TMEM161B: variants seen among roughly 807,000 people sequenced by gnomAD.
The protein encoded by TMEM161B is transmembrane protein 161B.
TMEM161B carries 34 observed loss-of-function variants against 61.8 expected under a neutral mutation model. The ratio of observed to expected loss-of-function variants is 0.55; its 90% CI spans 0.42 to 0.73. The LOEUF is 0.73. Ranked by LOEUF, TMEM161B falls within the 30% of genes least tolerant of loss-of-function variation. The pLI is 0.00. For missense variants in TMEM161B, 456 were observed against 558.5 expected (o/e 0.82, Z 1.85); for synonymous variants, 167 against 192.8 (o/e 0.87, Z 1.11).
rs77057033 is a variant in TMEM161B at position 88,268,615 on chromosome 5, C to T, written c.3+106G>A. On this transcript the variant is annotated intron_variant, in intron 1 of 11. Coordinates refer to ENST00000296595, the MANE Select transcript of TMEM161B (RefSeq NM_153354.5). ...CCTACCCAGCAGCTCATCCCAACGT[C>T]TCAACTCCATTCTGAGCAGAGCACC... 11 of 1,537,450 alleles carry T rather than the reference C, an allele frequency of 7.2e-6. 1 individual carries two copies. In the East Asian group the frequency reaches 1.8e-4, roughly 25 times the overall value.
chr5:88,212,704 C>T (rs564633048), intron 5 of TMEM161B, among the ~76,000 whole-genome samples: 1 of 152,206 alleles, frequency 6.6e-6, no homozygotes, highest in African/African-American at 2.4e-5. Flanking sequence ...TGGCACGTGC[C>T]TATAGTCCCA....
chr5:88,246,917 A>G (rs1025064939), intron 1 of TMEM161B, among the ~76,000 whole-genome samples: 3 of 152,032 alleles, frequency 2.0e-5, no homozygotes, highest in Non-Finnish European at 4.4e-5. Context: ...TAACGCTTCA[A>G]AACAATAACT....
intron 8 of TMEM161B, among the ~76,000 whole-genome samples, chr5:88,204,401 T>C (rs1745044924): frequency 6.6e-6 from 1 of 152,156 alleles, no homozygotes; most frequent in African/African-American, 2.4e-5. Flanking sequence ...AAATGTGCAC[T>C]CCACCTCCAA....
intron 1 of TMEM161B, among the ~76,000 whole-genome samples, chr5:88,261,403 A>AAAAAG (rs956518342): frequency 3.3e-5 from 5 of 152,068 alleles, no homozygotes; most frequent in Admixed American, 6.6e-5. Flanking sequence ...GGTATCAAAA[A>AAAAAG]AAAAGAAAAG....
chr5:88,212,729 T>G (rs879738644), intron 5 of TMEM161B, among the ~76,000 whole-genome samples: 1 of 152,128 alleles, frequency 6.6e-6, no homozygotes, highest in Non-Finnish European at 1.5e-5. Context: ...CTCAGGTGGC[T>G]GAGGCACAAG....
In TMEM161B at chr5:88,212,496, T is replaced by C. The variant is rs1218611248; in HGVS notation, c.447-5316A>G. Among the ~76,000 whole-genome samples the C allele has an allele frequency of 1.7e-4, 26 of 152,176 alleles. 1 individual carries two copies. The highest frequency in any genetic ancestry group is 1.7e-3 in the Admixed American group (26 of 15,278). On this transcript the variant is annotated intron_variant, in intron 5 of 11. Coordinates refer to ENST00000296595, the MANE Select transcript of TMEM161B (RefSeq NM_153354.5). ...TAAAATGGCAAATTTCTCTCAGATT[T>C]AGAATAACAACTTAATTAAATAACA...
intron 5 of TMEM161B, among the ~76,000 whole-genome samples, chr5:88,215,397 A>G (rs1747647631): frequency 6.6e-6 from 1 of 152,050 alleles, no homozygotes; most frequent in Non-Finnish European, 1.5e-5. Context: ...ATGTAAACTT[A>G]TTTCTCTCTG....
At position 88,196,109 on chromosome 5, in the gene TMEM161B, T is replaced by C; in HGVS notation, c.*102A>G. ...CAAGACATTCTGATATGTTTTTTTT[T>C]TCCCATTGTATTTGCTTTCTTCTGG... On this transcript the variant is annotated 3_prime_UTR_variant, in exon 12 of 12. Transcript: ENST00000296595. The C allele has an allele frequency of 2.0e-6, 3 of 1,467,802 alleles. No individual in the cohort carries two copies. Among genetic ancestry groups the C allele is most frequent in the Non-Finnish European group, 2.7e-6 (3 of 1,112,014 alleles). The allele number at this position is 1,467,802 out of a possible 1,614,324, so 90.9% of individuals were successfully genotyped here.
At chr5:88,237,161 G>A (rs760650472) in intron 2 of TMEM161B, among the ~76,000 whole-genome samples, 3 of 152,028 alleles carry the variant, frequency 2.0e-5, no homozygotes, top group African/African-American at 7.2e-5. Flanking sequence ...TATCACCTAT[G>A]GCAGAAAGTA....
Position 88,205,897 on chromosome 5 carries a change from A to G in TMEM161B, c.717T>C (p.Ile239=), listed in dbSNP as rs372494587. ...ATCCAGGAAATGTCAAAAAAGCCCC[A>G]ATGAATGAACAGAAAATAGCCAGGA... ...KFFLAIFCSF[I]GAFLTFPGLR... The change falls in exon 8 of 12, where the codon ATT becomes ATC. Residue 239 remains isoleucine, a synonymous_variant. Transcript: ENST00000296595. The G allele has an allele frequency of 1.2e-6, 2 of 1,612,564 alleles. No individual in the cohort carries two copies. The highest frequency in any genetic ancestry group is 1.7e-6 in the Non-Finnish European group (2 of 1,179,262).
intron 1 of TMEM161B, among the ~76,000 whole-genome samples, chr5:88,241,278 C>A (rs1004059506): frequency 6.6e-6 from 1 of 151,736 alleles, no homozygotes; most frequent in African/African-American, 2.4e-5. Flanking sequence ...ATATAAGGGA[C>A]TTGAGCATCC....
intron 5 of TMEM161B, among the ~76,000 whole-genome samples, chr5:88,212,015 AAAC>A (rs1285977975): frequency 1.3e-5 from 2 of 152,194 alleles, no homozygotes; most frequent in Non-Finnish European, 2.9e-5. Context: ...GAACTTTCAG[AAAC>A]AAGACAAATC....
At chr5:88,266,756 T>TA (rs906287854) in intron 1 of TMEM161B, among the ~76,000 whole-genome samples, 2 of 152,168 alleles carry the variant, frequency 1.3e-5, no homozygotes, top group African/African-American at 4.8e-5. Context: ...GTTAAACTCT[T>TA]CCCTTTGAAA....
rs900545066 is a variant in TMEM161B, at chr5:88,206,593, C to T, written c.599-94G>A. ...GGAAATAAAATGTTAGAAAACAGAG[C>T]ATCTTAAATTTTGAAGTGACTAGCT... On this transcript the variant is annotated intron_variant, in intron 6 of 11. Transcript: ENST00000296595. The T allele has an allele frequency of 4.8e-6, 6 of 1,249,982 alleles. No homozygotes were observed. In the East Asian group the frequency reaches 1.5e-4, roughly 32 times the overall value. 77.4% of individuals were successfully genotyped at this position (1,249,982 alleles called of 1,614,324 possible). A position where few individuals can be genotyped will look rare whatever the true frequency, so the allele number is the denominator to read the frequency against.
intron 1 of TMEM161B, among the ~76,000 whole-genome samples, chr5:88,241,241 G>C (rs1295766095): frequency 6.6e-6 from 1 of 151,796 alleles, no homozygotes; most frequent in Non-Finnish European, 1.5e-5. Context: ...GACGTGCATA[G>C]GTTATATGCA....
Position 88,216,377 on chromosome 5 carries a change from C to G in TMEM161B, c.446+4186G>C, listed in dbSNP as rs570437215. 2.0e-5 allele frequency among the ~76,000 whole-genome samples: 3 copies of G among 152,264 alleles called. No individual in the cohort carries two copies. The East Asian group carries it at 5.8e-4, about 29-fold the overall frequency. On this transcript the variant is annotated intron_variant, in intron 5 of 11. Coordinates refer to ENST00000296595, the MANE Select transcript of TMEM161B (RefSeq NM_153354.5). ...AATATTTTTGATGTGTTTTATATGA[C>G]TTGATGTCGAGGGATAGGTCTTTAT... is the stretch of plus-strand genomic sequence containing the variant.
In TMEM161B at chr5:88,197,746, T is replaced by A; in HGVS notation, c.1109A>T (p.Tyr370Phe). ...LQKMVARVFY[Y>F]LCVIALQYVA... ...ATACTGCAGTGCAATGACACAAAGA[T>A]AATAAAAGACTCGAGCCACCTGCAA... The change falls in exon 11 of 12, where the codon TAT becomes TTT. Residue 370 changes from tyrosine to phenylalanine, a missense_variant. Around this residue, in one of 3 missense-constraint regions of TMEM161B, gnomAD observed 367 missense variants for 427.3 expected, o/e 0.86. Transcript: ENST00000296595. 4.3e-6 allele frequency: 7 copies of A among 1,612,474 alleles called. No individual in the cohort carries two copies. The highest frequency in any genetic ancestry group is 5.9e-6 in the Non-Finnish European group (7 of 1,179,020).
At chr5:88,241,091 T>C (rs1490376725) in intron 1 of TMEM161B, among the ~76,000 whole-genome samples, 175 bp from the exon 2 acceptor site, 1 of 151,584 alleles carries the variant, frequency 6.6e-6, no homozygotes, top group Non-Finnish European at 1.5e-5. Flanking sequence ...ATCAAAAATA[T>C]GCAGGAAAAA....
At chr5:88,202,431 T>C (rs190032928) in intron 9 of TMEM161B, 2 of 157,954 alleles carry the variant, frequency 1.3e-5, no homozygotes, top group East Asian at 1.7e-4. Context: ...TATAGGAAAA[T>C]ATCCTTATTT....
Sources: gnomAD v4.1 joint callset for allele counts (sites outside exome capture counted in the v4.1 genomes callset) on GRCh38, gnomAD v4.1.1 for gene constraint, gnomAD v4.1.1 regional missense constraint, MANE v1.5 for transcripts, NCBI Gene and HGNC (gene_info 2026-07-23, HGNC 2026-07-21) for gene names.